SHC3: variants seen among roughly 807,000 people sequenced by gnomAD.
SHC3 encodes the protein SHC adaptor protein 3, also known as SHC-transforming protein 3.
SHC3 carries 15 observed loss-of-function variants against 60.4 expected under a neutral mutation model. That is an observed-to-expected ratio of 0.25 (90% CI 0.17 to 0.38). SHC3 has a LOEUF of 0.38. Ranked by LOEUF, SHC3 falls within the 10% of genes least tolerant of loss-of-function variation. The probability of loss-of-function intolerance (pLI) is 1.00; values close to 1 mark genes in which losing one functional copy is unlikely to be tolerated. For synonymous variants in SHC3, 294 were observed against 325.9 expected, an observed-to-expected ratio of 0.90 and a Z score of 1.05; for missense variants, 677 against 786.1, an observed-to-expected ratio of 0.86 and a Z score of 1.66.
chr9:89,039,255 A>G (rs1168905887), intron 10 of SHC3, among the ~76,000 whole-genome samples: 2 of 152,228 alleles, frequency 1.3e-5, no homozygotes, highest in Admixed American at 6.5e-5. Context: ...TGCTCCTAGC[A>G]CACAGTTCAT....
Position 89,006,694 on chromosome 9 carries a change from A to G in SHC3, c.*6753T>C, listed in dbSNP as rs1333711851. On this transcript the variant is annotated 3_prime_UTR_variant, in exon 12 of 12. Transcript: ENST00000375835. ...TCCTAATCCTGGGATTTTAACACCA[A>G]ATGTTTAATTCTGAATACAAAGAAA... The G allele has an allele frequency of 6.6e-6, 1 of 152,250 alleles. No homozygotes were observed. Among genetic ancestry groups the G allele is most frequent in the African/African-American group, 2.4e-5 (1 of 41,470 alleles). 9.4% of individuals were successfully genotyped at this position (152,250 alleles called of 1,614,324 possible). A position where few individuals can be genotyped will look rare whatever the true frequency, so the allele number is the denominator to read the frequency against.
chr9:89,121,416 G>A (rs1826090968), intron 1 of SHC3, among the ~76,000 whole-genome samples: 1 of 151,982 alleles, frequency 6.6e-6, no homozygotes, highest in African/African-American at 2.4e-5. Context: ...TCAGGCTCCC[G>A]AGTAGGTGGG....
chr9:89,106,768 C>T (rs370911189), intron 2 of SHC3, among the ~76,000 whole-genome samples: 55 of 152,312 alleles, frequency 3.6e-4, no homozygotes, highest in Non-Finnish European at 6.9e-4. Context: ...AAGATACCTT[C>T]GGTCTAACCA....
At position 89,173,269 on chromosome 9, in the gene SHC3, C is replaced by T. The variant is rs540221497; in HGVS notation, c.474+4718G>A. Among the ~76,000 whole-genome samples the T allele has an allele frequency of 3.3e-5, 5 of 152,394 alleles. No individual in the cohort carries two copies. In the East Asian group the frequency reaches 9.6e-4, roughly 29 times the overall value. On this transcript the variant is annotated intron_variant, in intron 1 of 11. Coordinates refer to ENST00000375835, the MANE Select transcript of SHC3 (RefSeq NM_016848.6). ...AATGTCCCCTACCCTAAGCCAGGCA[C>T]TGCAGGCCAGCAGCACCGGCACATC...
intron 11 of SHC3, among the ~76,000 whole-genome samples, chr9:89,015,679 G>A (rs147626103): frequency 2.0e-4 from 30 of 152,324 alleles, no homozygotes; most frequent in African/African-American, 4.8e-4. Flanking sequence ...GGACCCACCC[G>A]TTATGCACTA....
intron 5 of SHC3, among the ~76,000 whole-genome samples, chr9:89,068,023 C>T (rs1458919516): frequency 1.3e-5 from 2 of 152,074 alleles, no homozygotes; most frequent in African/African-American, 4.8e-5. Context: ...ATAATATGTC[C>T]CTGTCTCTCA....
At chr9:89,038,423 G>A (rs941128682) in intron 10 of SHC3, 135 bp from the exon 11 acceptor site, 4 of 929,522 alleles carry the variant, frequency 4.3e-6, no homozygotes, top group Non-Finnish European at 6.3e-6. Flanking sequence ...AAAAACCAAT[G>A]GAGACAACTA....
At position 89,071,209 on chromosome 9, in the gene SHC3, C is replaced by G; in HGVS notation, c.773G>C (p.Gly258Ala). Residue 258 changes from glycine (G) to alanine (A), a missense_variant, in exon 5 of 12, where the codon GGG (glycine) becomes GCG (alanine). Physicochemically the swap from Gly to Ala is moderately conservative, Grantham distance 60. Coordinates refer to ENST00000375835, the MANE Select transcript of SHC3 (RefSeq NM_016848.6). ...HHMRSISFAS[G>A]GDPDTTDYVA... ...CCCAAGGGTACTTACCGGGTCTCCC[C>G]CAGAGGCGAAGGAGATGGACCGCAT... 1 of 1,614,094 alleles carries G rather than the reference C, an allele frequency of 6.2e-7. No homozygotes were observed. The highest frequency in any genetic ancestry group is 8.5e-7 in the Non-Finnish European group (1 of 1,180,010).
intron 1 of SHC3, among the ~76,000 whole-genome samples, chr9:89,174,770 C>A (rs776173140): frequency 1.3e-5 from 2 of 152,212 alleles, no homozygotes; most frequent in East Asian, 1.9e-4. Context: ...CTCCAGCAGG[C>A]AGTTTCAGAG....
chr9:89,055,449 C>T (rs184291037), intron 6 of SHC3, among the ~76,000 whole-genome samples: 5 of 152,234 alleles, frequency 3.3e-5, no homozygotes, highest in African/African-American at 7.2e-5. Context: ...ACAATCCCAA[C>T]GTCTCTGGCT....
intron 1 of SHC3, among the ~76,000 whole-genome samples, chr9:89,126,462 T>TG (rs1318181231): frequency 1.3e-5 from 2 of 152,204 alleles, no homozygotes; most frequent in Non-Finnish European, 2.9e-5. Flanking sequence ...GCTTAGGTGA[T>TG]GGGATTAAGC....
At chr9:89,128,992 GA>G (rs1826203652) in intron 1 of SHC3, among the ~76,000 whole-genome samples, 1 of 152,160 alleles carries the variant, frequency 6.6e-6, no homozygotes, top group Admixed American at 6.5e-5. Context: ...CCATCATAAA[GA>G]AGCTAAAAAC....
intron 1 of SHC3, among the ~76,000 whole-genome samples, chr9:89,176,637 C>G (rs1041838161): frequency 4.6e-5 from 7 of 152,042 alleles, no homozygotes; most frequent in Non-Finnish European, 7.4e-5. Context: ...ATAAGCAAAA[C>G]AAGAAGAATA....
At chr9:89,042,928 C>A (rs1330060310) in intron 9 of SHC3, among the ~76,000 whole-genome samples, 1 of 152,116 alleles carries the variant, frequency 6.6e-6, no homozygotes, top group Non-Finnish European at 1.5e-5. Context: ...CCGGGCTGTT[C>A]TGTCACCCAG....
intron 1 of SHC3, among the ~76,000 whole-genome samples, chr9:89,144,813 G>A (rs1255641158): frequency 6.6e-6 from 1 of 150,862 alleles, no homozygotes; most frequent in Non-Finnish European, 1.5e-5. Context: ...TGGTCTCAAT[G>A]CAGTGTATCC....
At chr9:89,126,786 G>C (rs1826171374) in intron 1 of SHC3, among the ~76,000 whole-genome samples, 1 of 152,160 alleles carries the variant, frequency 6.6e-6, no homozygotes, top group Non-Finnish European at 1.5e-5. Context: ...TGCAAGGCTA[G>C]TGTTAAGCTG....
rs545965370 is a variant in SHC3, at chr9:89,165,224, A to T, written c.474+12763T>A. ...TGTTTTGTGTTGTGTAAAAGAAAAG[A>T]AGAAAAGATGAAAGAAAGAAAAGAA... On this transcript the variant is annotated intron_variant, in intron 1 of 11. Coordinates refer to ENST00000375835, the MANE Select transcript of SHC3 (RefSeq NM_016848.6). Among the ~76,000 whole-genome samples the T allele has an allele frequency of 2.0e-5, 3 of 152,154 alleles. No homozygotes were observed. In the South Asian group the frequency reaches 6.2e-4, roughly 32 times the overall value.
chr9:89,091,162 G>A (rs1554694815), intron 2 of SHC3, among the ~76,000 whole-genome samples: 1 of 152,110 alleles, frequency 6.6e-6, no homozygotes, highest in Non-Finnish European at 1.5e-5. Flanking sequence ...TTTTTGCACT[G>A]AACAATATGT....
At chr9:89,161,807 T>C (rs1019901164) in intron 1 of SHC3, among the ~76,000 whole-genome samples, 2 of 144,648 alleles carry the variant, frequency 1.4e-5, no homozygotes, top group South Asian at 2.3e-4. Context: ...AAATTGTCCC[T>C]GTTTGCAGAC....
Sources: allele counts gnomAD v4.1 joint callset (sites outside exome capture counted in the v4.1 genomes callset), GRCh38; gene constraint gnomAD v4.1.1; transcripts MANE v1.5; gene names NCBI Gene and HGNC (gene_info 2026-07-23, HGNC 2026-07-21).